The following P2RX5 variants were observed in gnomAD, a reference collection of about 807,000 sequenced individuals.
P2RX5 encodes the protein purinergic receptor P2X 5, also known as P2X purinoceptor 5.
In P2RX5, 46 loss-of-function variants were observed where a neutral mutation model predicts 54.1. The ratio of observed to expected loss-of-function variants is 0.85; its 90% CI spans 0.67 to 1.09. P2RX5 has a LOEUF of 1.09. Ranked by LOEUF, P2RX5 falls within the 50% of genes least tolerant of loss-of-function variation. P2RX5 has a pLI of 0.00. For synonymous variants in P2RX5, 226 were observed against 226.4 expected (o/e 1.00, Z 0.02); for missense variants, 566 against 549.8 (o/e 1.03, Z -0.29).
chr17:3,681,921 G>C lies in P2RX5; in HGVS notation c.1039C>G (p.Arg347Gly), dbSNP rs368802913. ...CTCACTTCCTCGTACTTCTTGTCAC[G>C]GTAAAACTCTCTCTTTTTGATGAGG... Reference protein sequence around the residue: ...IYLIKKREFYRDKKYEEVRGL... With the variant: ...IYLIKKREFYGDKKYEEVRGL... Residue 347 changes from arginine (R) to glycine (G), a missense_variant, in exon 10 of 12, where the codon CGT (arginine) becomes GGT (glycine). By Grantham distance (125) the Arg-to-Gly change is moderately radical (BLOSUM62 -2). Coordinates refer to ENST00000225328, the MANE Select transcript of P2RX5 (RefSeq NM_002561.4). The C allele has an allele frequency of 6.2e-6, 10 of 1,613,480 alleles. No individual in the cohort carries two copies. The highest frequency in any genetic ancestry group is 1.3e-5 in the African/African-American group (1 of 74,914).
At chr17:3,701,696 GAAAAAAA>G in the P2RX5 span, among the ~76,000 whole-genome samples, 85 of 73,412 alleles carry the variant, frequency 1.2e-3, no homozygotes, top group Middle Eastern at 0.01. Context: ...CTCTGTCTCA[GAAAAAAA>G]AAAAAAAAAA....
the P2RX5 span, among the ~76,000 whole-genome samples, chr17:3,719,234 T>TAAAAAAAAA: frequency 5.7e-5 from 2 of 34,818 alleles, 1 homozygote; most frequent in African/African-American, 2.4e-4. Context: ...AGATTCTTCC[T>TAAAAAAAAA]CAAAAAAAAA....
chr17:3,723,323 C>T, the P2RX5 span: 7 of 1,613,686 alleles, frequency 4.3e-6, no homozygotes, highest in Non-Finnish European at 5.9e-6. Context: ...TCTGCAGCCA[C>T]GGTGACATTT....
intron 9 of P2RX5, among the ~76,000 whole-genome samples, chr17:3,684,379 G>T (rs1437256199): frequency 1.3e-5 from 2 of 152,372 alleles, no homozygotes; most frequent in African/African-American, 4.8e-5. Flanking sequence ...CAATGCCGGA[G>T]GATTGCCTGA....
chr17:3,705,093 C>A, the P2RX5 span, among the ~76,000 whole-genome samples: 1 of 152,216 alleles, frequency 6.6e-6, no homozygotes, highest in Non-Finnish European at 1.5e-5. Flanking sequence ...CTTAGAGCTA[C>A]GCACATCTTG....
chr17:3,710,574 A>G, the P2RX5 span, among the ~76,000 whole-genome samples: 1 of 151,416 alleles, frequency 6.6e-6, no homozygotes, highest in African/African-American at 2.4e-5. Flanking sequence ...TTAACCAAAA[A>G]CCCCTCCTTG....
chr17:3,702,284 C>T, the P2RX5 span, among the ~76,000 whole-genome samples: 4 of 144,372 alleles, frequency 2.8e-5, no homozygotes, highest in Non-Finnish European at 6.3e-5. Context: ...TCTGTAAAAG[C>T]GCACCAATCA....
the P2RX5 span, chr17:3,716,741 C>A: frequency 4.5e-5 from 72 of 1,612,482 alleles, no homozygotes; most frequent in Non-Finnish European, 6.0e-5. Context: ...CCAACGCTGC[C>A]TTTAATGATG....
intron 10 of P2RX5, among the ~76,000 whole-genome samples, chr17:3,680,736 C>T (rs1296473458): frequency 1.0e-5 from 1 of 95,278 alleles, no homozygotes; most frequent in African/African-American, 4.1e-5. Context: ...CTCCACCCTG[C>T]GTCCTCCACC....
intron 11 of P2RX5, 106 bp downstream of exon 11, chr17:3,679,484 C>G: frequency 2.0e-6 from 2 of 1,009,522 alleles, no homozygotes; most frequent in Non-Finnish European, 3.0e-6. Context: ...CCAGCTCACA[C>G]CAGAGCAGAG....
chr17:3,696,101 GGCCCGTCTGC>G lies in P2RX5; in HGVS notation c.-106_-97del. On this transcript the variant is annotated 5_prime_UTR_variant, in exon 1 of 12. Coordinates refer to ENST00000225328, the MANE Select transcript of P2RX5 (RefSeq NM_002561.4). Reference sequence around the variant, plus strand: ...TCCCTGCGCGCCCGGCGCCCGCCTCGGCCCGTCTGCGCCCGCTCAGCTGCAGCCCGGGGTG... The same window carrying G: ...TCCCTGCGCGCCCGGCGCCCGCCTCGGCCCGCTCAGCTGCAGCCCGGGGTG... 7.4e-7 allele frequency: 1 copy of G among 1,357,994 alleles called. No homozygotes were observed. Among genetic ancestry groups the G allele is most frequent in the Non-Finnish European group, 9.7e-7 (1 of 1,029,062 alleles). 84.1% of individuals were successfully genotyped at this position (1,357,994 alleles called of 1,614,324 possible).
chr17:3,673,689 C>A lies in P2RX5; in HGVS notation c.*179G>T. 1 of 1,538,578 alleles carries A rather than the reference C, an allele frequency of 6.5e-7. No individual in the cohort carries two copies. Among genetic ancestry groups the A allele is most frequent in the Non-Finnish European group, 8.7e-7 (1 of 1,143,674 alleles). ...CCATGATGGGTCCGTCCTGATGACC[C>A]CAGCATCAGACGTGGAGGTCACTTT... On this transcript the variant is annotated 3_prime_UTR_variant, in exon 12 of 12. Coordinates refer to ENST00000225328, the MANE Select transcript of P2RX5 (RefSeq NM_002561.4).
chr17:3,723,744 C>A, the P2RX5 span: 1 of 1,607,218 alleles, frequency 6.2e-7, no homozygotes, highest in Non-Finnish European at 8.5e-7. Context: ...ACCGTGGAGG[C>A]CTGAAACGAG....
chr17:3,680,764 C>T (rs1158347521), intron 10 of P2RX5, among the ~76,000 whole-genome samples: 1 of 106,094 alleles, frequency 9.4e-6, no homozygotes. Context: ...CTCCACCCTG[C>T]ATCCTCCACC....
intron 1 of P2RX5, among the ~76,000 whole-genome samples, chr17:3,695,664 G>A (rs2050736723): frequency 6.6e-6 from 1 of 151,790 alleles, no homozygotes; most frequent in Non-Finnish European, 1.5e-5. Flanking sequence ...TAGCGCCAGT[G>A]GGGGAGTGGA....
rs151100959 is a variant in P2RX5, at chr17:3,688,639, C to T, written c.874G>A (p.Gly292Arg). 8.0e-3 allele frequency: 12,969 copies of T among 1,614,072 alleles called. 77 individuals carry two copies. The highest frequency in any genetic ancestry group is 8.7e-3 in the Non-Finnish European group (10,279 of 1,179,988). ...GGCAGCGGTTACCTGAAGTTGTACC[C>T]GGAGGAGACAGACTTTGAAAGTTTA... ...DNKLSKSVSS[G>R]YNFRFARYYR... is the part of the protein sequence containing the mutation. Residue 292 changes from glycine to arginine, a missense_variant, in exon 8 of 12, where the codon GGG (glycine) becomes AGG (arginine). Gly to Arg is a moderately radical substitution (Grantham distance 125, BLOSUM62 -2). Transcript: ENST00000225328.
the P2RX5 span, among the ~76,000 whole-genome samples, chr17:3,706,870 A>G: frequency 2.6e-5 from 4 of 152,316 alleles, no homozygotes; most frequent in East Asian, 7.7e-4. Context: ...TCGGCCTCCC[A>G]AAGTGCTGGG....
chr17:3,690,253 T>G (rs1251499468), intron 5 of P2RX5, 103 bp from the exon 6 acceptor site: 1 of 1,250,868 alleles, frequency 8.0e-7, no homozygotes, highest in Non-Finnish European at 1.2e-6. Context: ...CCCTGGAGCC[T>G]CTGCCCAGGA....
At chr17:3,717,454 T>G in the P2RX5 span, 2 of 152,308 alleles carry the variant, frequency 1.3e-5, no homozygotes, top group Non-Finnish European at 2.9e-5. Flanking sequence ...CTCTCCCAAT[T>G]TCGGGAGTCT....
Sources: gnomAD v4.1 joint callset for allele counts (sites outside exome capture counted in the v4.1 genomes callset) on GRCh38, gnomAD v4.1.1 for gene constraint, MANE v1.5 for transcripts, NCBI Gene and HGNC (gene_info 2026-07-23, HGNC 2026-07-21) for gene names.